The following DROSHA variants were observed in gnomAD, a reference collection of about 807,000 sequenced individuals.
The protein encoded by DROSHA is ribonuclease 3.
A neutral mutation model predicts 181.9 loss-of-function variants in DROSHA; 56 were observed. That is an observed-to-expected ratio of 0.31 (90% confidence interval 0.25 to 0.38). DROSHA has a LOEUF of 0.38. Ranked by LOEUF, DROSHA falls within the 10% of genes least tolerant of loss-of-function variation. The pLI is 1.00. For synonymous variants in DROSHA, 524 were observed against 591.2 expected (o/e 0.89, Z 1.65); for missense variants, 1,218 against 1,743.5 (o/e 0.70, Z 5.37).
At chr5:31,507,876 A>G (rs2150052243) in intron 10 of DROSHA, among the ~76,000 whole-genome samples, 1 of 152,356 alleles carries the variant, frequency 6.6e-6, no homozygotes, top group East Asian at 1.9e-4. Flanking sequence ...TAAAAGGAAC[A>G]CACAAAATAC....
chr5:31,405,837 C>A lies in DROSHA; in HGVS notation c.3948-114G>T, dbSNP rs552688530. On this transcript the variant is annotated intron_variant, in intron 34 of 35. Coordinates refer to ENST00000344624, the MANE Select transcript of DROSHA (RefSeq NM_001382508.1). ...TACAAATCTTTCAGGCTGATTTTCA[C>A]GTTCAGTGCATAAAATCTCCTCTGA... is the stretch of plus-strand genomic sequence containing the variant. The A allele has an allele frequency of 3.2e-3, 2,786 of 883,954 alleles. 13 individuals carry two copies. Among genetic ancestry groups the A allele is most frequent in the Non-Finnish European group, 3.7e-3 (2,226 of 609,378 alleles). The allele number at this position is 883,954 out of a possible 1,614,324, so 54.8% of individuals were successfully genotyped here.
intron 20 of DROSHA, among the ~76,000 whole-genome samples, chr5:31,462,387 TA>T (rs767852634): frequency 5.3e-5 from 8 of 152,258 alleles, no homozygotes; most frequent in Admixed American, 3.9e-4. Flanking sequence ...TATTAGATCA[TA>T]AAGCATTCAC....
At chr5:31,423,748 A>G (rs997116777) in intron 28 of DROSHA, among the ~76,000 whole-genome samples, 5 of 149,654 alleles carry the variant, frequency 3.3e-5, no homozygotes. Flanking sequence ...TTTTATATAC[A>G]TATATAAAAA....
chr5:31,504,446 G>A (rs1020636565), intron 11 of DROSHA, 109 bp downstream of exon 11: 7 of 1,227,734 alleles, frequency 5.7e-6, no homozygotes, highest in Non-Finnish European at 8.0e-6. Context: ...TAGGGAATAT[G>A]AAGAGAATTT....
rs1217131993 is a variant in DROSHA at position 31,470,835 on chromosome 5, C to A, written c.2241+1228G>T. The stretch of plus-strand genomic sequence containing the variant: ...CATGGAACTCTCCAAGTGGAACCAC[C>A]CAGCTGAAACTGGACATCTGCCACC... On this transcript the variant is annotated intron_variant, in intron 17 of 35. Transcript: ENST00000344624. The surrounding 1 kb of genome is among the most constrained non-coding windows in gnomAD (Gnocchi z 4.0). 6.6e-6 allele frequency among the ~76,000 whole-genome samples: 1 copy of A among 152,094 alleles called. No homozygotes were observed.
chr5:31,521,324 C>T (rs749726579), intron 5 of DROSHA, 109 bp from the exon 6 acceptor site: 36 of 1,201,672 alleles, frequency 3.0e-5, no homozygotes, highest in Middle Eastern at 2.1e-4. Flanking sequence ...AGGAATTTTT[C>T]AGGCACTGTT....
chr5:31,448,964 C>A (rs1746637762), intron 22 of DROSHA, among the ~76,000 whole-genome samples: 1 of 152,062 alleles, frequency 6.6e-6, no homozygotes, highest in Non-Finnish European at 1.5e-5. Flanking sequence ...AAAACCCTGT[C>A]TCTAATAAAA....
chr5:31,413,509 G>A (rs1406543902), intron 30 of DROSHA, among the ~76,000 whole-genome samples: 2 of 152,124 alleles, frequency 1.3e-5, no homozygotes, highest in Non-Finnish European at 2.9e-5. Context: ...CATGACCCAG[G>A]GGTATCAGCA....
intron 4 of DROSHA, 120 bp from the exon 5 acceptor site, chr5:31,527,032 C>T: frequency 1.1e-6 from 1 of 879,740 alleles, no homozygotes; most frequent in Non-Finnish European, 1.7e-6. Context: ...CTAGTCAAGC[C>T]ACTGGAATAG....
intron 13 of DROSHA, among the ~76,000 whole-genome samples, chr5:31,487,584 A>G (rs1046369261): frequency 1.3e-5 from 2 of 152,258 alleles, no homozygotes; most frequent in Admixed American, 6.5e-5. Context: ...TAATCTGTCC[A>G]TAAGATGATT....
chr5:31,498,838 C>T (rs1753285633), intron 11 of DROSHA, among the ~76,000 whole-genome samples: 1 of 150,136 alleles, frequency 6.7e-6, no homozygotes, highest in South Asian at 2.1e-4. Flanking sequence ...GCCCGGGCAA[C>T]AAGACAAAAC....
intron 20 of DROSHA, among the ~76,000 whole-genome samples, chr5:31,461,030 T>C (rs1328661203): frequency 6.6e-6 from 1 of 152,176 alleles, no homozygotes; most frequent in Non-Finnish European, 1.5e-5. Flanking sequence ...TGTTAGCATA[T>C]ACGACTTGTG....
At chr5:31,410,719 G>C in intron 31 of DROSHA, 27 bp downstream of exon 31, 1 of 1,605,638 alleles carries the variant, frequency 6.2e-7, no homozygotes, top group Non-Finnish European at 8.5e-7. Context: ...GAACCTGGAG[G>C]TTGAGAGAAA....
At chr5:31,517,564 T>C (rs565691292) in intron 6 of DROSHA, among the ~76,000 whole-genome samples, 1 of 152,340 alleles carries the variant, frequency 6.6e-6, no homozygotes, top group Admixed American at 6.5e-5. Flanking sequence ...ACTTTACATA[T>C]TTATTAGATG....
intron 22 of DROSHA, 72 bp from the exon 23 acceptor site, chr5:31,448,679 G>T: frequency 2.6e-6 from 3 of 1,168,864 alleles, no homozygotes; most frequent in African/African-American, 1.5e-5. Flanking sequence ...TATTACAGTA[G>T]AAAAAAATTA....
intron 20 of DROSHA, among the ~76,000 whole-genome samples, chr5:31,459,078 C>T (rs1001814622): frequency 3.3e-5 from 5 of 152,118 alleles, no homozygotes; most frequent in Non-Finnish European, 7.3e-5. Context: ...TTCAAACAGA[C>T]TAAAATAAAT....
In DROSHA at chr5:31,421,284, T is replaced by C; in HGVS notation, c.3513A>G (p.Glu1171=). ...TTAACCAACTCACAGTTAAGTGTCC[T>C]TCATGATGATCTGGGAAATGAATGA... The part of the protein sequence containing the change: ...YLFIHFPDHH[E]GHLTLLRSSL... The change falls in exon 30 of 36, where the codon GAA becomes GAG. Residue 1171 remains glutamate, a synonymous_variant. Coordinates refer to ENST00000344624, the MANE Select transcript of DROSHA (RefSeq NM_001382508.1). 6.2e-7 allele frequency: 1 copy of C among 1,613,368 alleles called. No individual in the cohort carries two copies. The highest frequency in any genetic ancestry group is 8.5e-7 in the Non-Finnish European group (1 of 1,179,432).
chr5:31,479,678 T>C (rs955879375), intron 16 of DROSHA, among the ~76,000 whole-genome samples: 1 of 152,088 alleles, frequency 6.6e-6, no homozygotes, highest in Non-Finnish European at 1.5e-5. Context: ...ACAGAGAAGG[T>C]ATTAGATATA....
intron 23 of DROSHA, among the ~76,000 whole-genome samples, chr5:31,442,323 T>C (rs1745693564): frequency 6.6e-6 from 1 of 152,206 alleles, no homozygotes; most frequent in Non-Finnish European, 1.5e-5. Flanking sequence ...TACTCTACAA[T>C]TCCTAAGCCA....
Sources: allele counts gnomAD v4.1 joint callset (sites outside exome capture counted in the v4.1 genomes callset), GRCh38; gene constraint gnomAD v4.1.1; non-coding constraint Gnocchi (gnomAD v3.1); transcripts MANE v1.5; gene names NCBI Gene and HGNC (gene_info 2026-07-23, HGNC 2026-07-21).